Variants in SCHIP1 observed in about 807,000 individuals in gnomAD.
SCHIP1 encodes the protein schwannomin interacting protein 1, also known as schwannomin-interacting protein 1.
A neutral mutation model predicts 29.7 loss-of-function variants in SCHIP1; 8 were observed. The ratio of observed to expected loss-of-function variants is 0.27; its 90% confidence interval spans 0.16 to 0.49. SCHIP1 has a LOEUF of 0.49. Ranked by LOEUF, SCHIP1 falls within the 20% of genes least tolerant of loss-of-function variation. SCHIP1 has a pLI of 0.99. For missense variants in SCHIP1, 193 were observed against 294.6 expected, an observed-to-expected ratio of 0.66 and a Z score of 2.52; for synonymous variants, 76 against 94.9, an observed-to-expected ratio of 0.80 and a Z score of 1.16.
At chr3:159,740,058 G>A in the SCHIP1 span, among the ~76,000 whole-genome samples, 7 of 152,104 alleles carry the variant, frequency 4.6e-5, no homozygotes, top group Non-Finnish European at 7.3e-5. Context: ...TTGTCATCTC[G>A]TCTCTCCTCA....
the SCHIP1 span, among the ~76,000 whole-genome samples, chr3:159,325,794 A>G: frequency 6.6e-6 from 1 of 152,092 alleles, no homozygotes; most frequent in South Asian, 2.1e-4. Context: ...TGATGTATTT[A>G]CTATTTATAT....
At chr3:159,796,605 C>T in the SCHIP1 span, among the ~76,000 whole-genome samples, 2 of 152,186 alleles carry the variant, frequency 1.3e-5, no homozygotes, top group African/African-American at 4.8e-5. Context: ...CCTCTCCTGA[C>T]ACTTTTTAGT....
the SCHIP1 span, among the ~76,000 whole-genome samples, chr3:159,751,420 G>A: frequency 1.3e-5 from 2 of 152,172 alleles, no homozygotes; most frequent in Admixed American, 1.3e-4. Context: ...TCTATATTTG[G>A]AAAGAAAATC....
the SCHIP1 span, among the ~76,000 whole-genome samples, chr3:159,293,843 C>T: frequency 1.3e-5 from 2 of 152,086 alleles, no homozygotes; most frequent in Non-Finnish European, 1.5e-5. Flanking sequence ...AGAGCACACA[C>T]AACTTCTTTC....
At chr3:159,546,318 A>G in the SCHIP1 span, among the ~76,000 whole-genome samples, 1 of 152,144 alleles carries the variant, frequency 6.6e-6, no homozygotes, top group Non-Finnish European at 1.5e-5. Flanking sequence ...TTAAAAGAGA[A>G]CAGACATAAT....
chr3:159,546,134 A>T, the SCHIP1 span, among the ~76,000 whole-genome samples: 1 of 152,040 alleles, frequency 6.6e-6, no homozygotes, highest in Non-Finnish European at 1.5e-5. Flanking sequence ...TTAATCAGTT[A>T]TTTGTATTTT....
the SCHIP1 span, among the ~76,000 whole-genome samples, chr3:159,526,490 G>A: frequency 2.6e-5 from 4 of 152,142 alleles, no homozygotes; most frequent in African/African-American, 9.7e-5. Flanking sequence ...ATTGAACTAT[G>A]TATTAAAGGG....
At chr3:159,745,498 G>A in the SCHIP1 span, among the ~76,000 whole-genome samples, 3 of 152,154 alleles carry the variant, frequency 2.0e-5, no homozygotes, top group African/African-American at 4.8e-5. Context: ...GGAAGTAATT[G>A]GAATCTCTTT....
the SCHIP1 span, among the ~76,000 whole-genome samples, chr3:159,500,876 T>G: frequency 1.3e-5 from 2 of 152,166 alleles, no homozygotes; most frequent in Non-Finnish European, 2.9e-5. Flanking sequence ...ATGTTATACT[T>G]ATATATTGAA....
chr3:159,801,710 T>C, the SCHIP1 span, among the ~76,000 whole-genome samples: 1 of 152,170 alleles, frequency 6.6e-6, no homozygotes, highest in Admixed American at 6.5e-5. Flanking sequence ...GAGTTATTTA[T>C]TCAATAAAAA....
the SCHIP1 span, among the ~76,000 whole-genome samples, chr3:159,302,422 T>C: frequency 2.0e-5 from 3 of 152,228 alleles, no homozygotes; most frequent in Non-Finnish European, 4.4e-5. Flanking sequence ...TTGGACAAGA[T>C]TTTTTAAAAG....
At chr3:159,385,880 G>A in the SCHIP1 span, among the ~76,000 whole-genome samples, 1 of 151,832 alleles carries the variant, frequency 6.6e-6, no homozygotes, top group Non-Finnish European at 1.5e-5. Flanking sequence ...GGTGTGTGAT[G>A]TTCCCCTCCC....
chr3:159,473,674 G>GAAAAAAAAAAA, the SCHIP1 span, among the ~76,000 whole-genome samples: 47 of 81,408 alleles, frequency 5.8e-4, no homozygotes, highest in African/African-American at 1.0e-3. Context: ...ATGTAACTAC[G>GAAAAAAAAAAA]AAAAAAAAAA....
chr3:159,443,600 C>T, the SCHIP1 span, among the ~76,000 whole-genome samples: 16 of 152,096 alleles, frequency 1.1e-4, no homozygotes, highest in Non-Finnish European at 2.1e-4. Flanking sequence ...CCTCTGCCTC[C>T]GGGGTTCAAG....
chr3:159,276,729 G>GAA, the SCHIP1 span, among the ~76,000 whole-genome samples: 1 of 152,158 alleles, frequency 6.6e-6, no homozygotes. Flanking sequence ...ACACATTGCT[G>GAA]AAAGTCCAGG....
chr3:159,888,567 C>T (rs775087667), intron 4 of SCHIP1: 2 of 373,852 alleles, frequency 5.3e-6, no homozygotes, highest in Non-Finnish European at 9.5e-6. Context: ...ATAACATTGA[C>T]TCACAACCCA....
chr3:159,435,805 G>A, the SCHIP1 span, among the ~76,000 whole-genome samples: 2 of 152,108 alleles, frequency 1.3e-5, no homozygotes, highest in East Asian at 1.9e-4. Flanking sequence ...TGCAAAGCAG[G>A]TGAGAGTTTC....
the SCHIP1 span, among the ~76,000 whole-genome samples, chr3:159,828,972 CTTTTCACT>C: frequency 3.7e-4 from 56 of 152,168 alleles, no homozygotes; most frequent in African/African-American, 1.3e-3. Context: ...ATTTATACTA[CTTTTCACT>C]TTTTCTGCCA....
chr3:159,694,262 C>G, the SCHIP1 span, among the ~76,000 whole-genome samples: 1 of 151,940 alleles, frequency 6.6e-6, no homozygotes, highest in Admixed American at 6.6e-5. Context: ...AACCCTAACC[C>G]TAATCACAGC....
Sources: gnomAD v4.1 joint callset for allele counts (sites outside exome capture counted in the v4.1 genomes callset) on GRCh38, gnomAD v4.1.1 for gene constraint, MANE v1.5 for transcripts, NCBI Gene and HGNC (gene_info 2026-07-23, HGNC 2026-07-21) for gene names.